The following GBE1 variants were observed in gnomAD, a reference collection of about 807,000 sequenced individuals.
GBE1 encodes 1,4-alpha-glucan branching enzyme 1, also known as 1,4-alpha-glucan-branching enzyme.
GBE1 carries 70 observed loss-of-function variants against 88.8 expected under a neutral mutation model. The observed-to-expected ratio is 0.79, with a 90% CI of 0.65 to 0.96. The LOEUF is 0.96. Ranked by LOEUF, GBE1 falls within the 40% of genes least tolerant of loss-of-function variation. GBE1 has a pLI of 0.00. For synonymous variants in GBE1, 284 were observed against 300.1 expected (o/e 0.95, Z 0.56); for missense variants, 872 against 871.0 (o/e 1.00, Z -0.01).
chr3:81,581,431 C>A (rs915446778), intron 10 of GBE1, among the ~76,000 whole-genome samples, 156 bp from the exon 11 acceptor site: 1 of 151,974 alleles, frequency 6.6e-6, no homozygotes, highest in Non-Finnish European at 1.5e-5. Context: ...TAAACTTTTA[C>A]TGAAATCACA....
rs78190577 is a variant in GBE1 at position 81,562,683 on chromosome 3, T to A, written c.1618+15242A>T. ...TTACAGTAGTAGGGTGCTAAAAGAC[T>A]GTTAAGTTGAGGCAAGTCATCTAAA... On this transcript the variant is annotated intron_variant, in intron 12 of 15. Coordinates refer to ENST00000429644, the MANE Select transcript of GBE1 (RefSeq NM_000158.4). 4.9e-3 allele frequency among the ~76,000 whole-genome samples: 742 copies of A among 152,140 alleles called. 1 individual carries two copies. The highest frequency in any genetic ancestry group is 7.8e-3 in the Non-Finnish European group (527 of 67,984).
chr3:81,730,616 G>A (rs1459918900), intron 1 of GBE1, among the ~76,000 whole-genome samples: 1 of 152,182 alleles, frequency 6.6e-6, no homozygotes, highest in Non-Finnish European at 1.5e-5. Context: ...TTGGGTGGCA[G>A]TTTCACAACA....
At chr3:81,605,700 T>C (rs898692756) in intron 7 of GBE1, among the ~76,000 whole-genome samples, 17 of 152,162 alleles carry the variant, frequency 1.1e-4, no homozygotes, top group Admixed American at 1.0e-3. Context: ...CACTTTTTTG[T>C]ACAGAGCTAG....
At position 81,761,356 on chromosome 3, in the gene GBE1, G is replaced by A. The variant is rs1375811547; in HGVS notation, c.143+19C>T. The A allele has an allele frequency of 1.3e-6, 2 of 1,599,686 alleles. No homozygotes were observed. Among genetic ancestry groups the A allele is most frequent in the Admixed American group, 1.7e-5 (1 of 59,520 alleles). Reference sequence around the variant, plus strand: ...GCGGGCTGCCTGTCTAAGTGGGGGTGGTGGGATTCCGGCGGTACCTGCGCT... The same window carrying A: ...GCGGGCTGCCTGTCTAAGTGGGGGTAGTGGGATTCCGGCGGTACCTGCGCT... On this transcript the variant is annotated intron_variant, in intron 1 of 15. Transcript: ENST00000429644.
At chr3:81,654,845 G>A (rs932733023) in intron 3 of GBE1, 4 of 151,992 alleles carry the variant, frequency 2.6e-5, no homozygotes, top group African/African-American at 9.7e-5. Flanking sequence ...ATATATTCAA[G>A]GTGTAAAACA....
intron 10 of GBE1, among the ~76,000 whole-genome samples, chr3:81,584,160 T>C (rs892052465): frequency 6.6e-6 from 1 of 152,076 alleles, no homozygotes; most frequent in Non-Finnish European, 1.5e-5. Context: ...ATAATTTAGA[T>C]AGTCAAATAT....
chr3:81,609,383 A>C (rs1704142888), intron 7 of GBE1, among the ~76,000 whole-genome samples: 1 of 152,144 alleles, frequency 6.6e-6, no homozygotes, highest in South Asian at 2.1e-4. Context: ...AAGGACTGGA[A>C]CATTGGTCTA....
At chr3:81,698,158 A>G (rs1705630327) in intron 2 of GBE1, among the ~76,000 whole-genome samples, 2 of 151,410 alleles carry the variant, frequency 1.3e-5, no homozygotes, top group African/African-American at 4.8e-5. Flanking sequence ...AGTAAAAATA[A>G]TCCCATTAGG....
In GBE1 at chr3:81,657,944, T is replaced by C. The variant is rs148644621; in HGVS notation, c.430-8023A>G. Among the ~76,000 whole-genome samples the C allele has an allele frequency of 1.2e-4, 18 of 152,208 alleles. No individual in the cohort carries two copies. In the East Asian group the frequency reaches 3.3e-3, roughly 28 times the overall value. On this transcript the variant is annotated intron_variant, in intron 3 of 15. Coordinates refer to ENST00000429644, the MANE Select transcript of GBE1 (RefSeq NM_000158.4). ...AGATTTTGCCCCTGAGCTCTTATAT[T>C]ATGCAAGACTGGACACTACACAGGA...
chr3:81,605,689 A>ACAC (rs1704093094), intron 7 of GBE1, among the ~76,000 whole-genome samples: 1 of 152,168 alleles, frequency 6.6e-6, no homozygotes, highest in East Asian at 1.9e-4. Context: ...AGAGATTGGC[A>ACAC]CACTTTTTTG....
At chr3:81,652,565 G>A (rs1704865514) in intron 3 of GBE1, among the ~76,000 whole-genome samples, 2 of 152,146 alleles carry the variant, frequency 1.3e-5, no homozygotes, top group Admixed American at 6.5e-5. Context: ...GTTAAGGAGA[G>A]CAAAGCTTTC....
At chr3:81,569,231 G>C (rs1703537771) in intron 12 of GBE1, among the ~76,000 whole-genome samples, 1 of 151,166 alleles carries the variant, frequency 6.6e-6, no homozygotes, top group African/African-American at 2.5e-5. Context: ...TAAACAATAG[G>C]GGAATTAAAA....
intron 14 of GBE1, among the ~76,000 whole-genome samples, chr3:81,507,912 T>G (rs1702675719): frequency 6.6e-6 from 1 of 152,162 alleles, no homozygotes; most frequent in Admixed American, 6.5e-5. Flanking sequence ...TTTCTGGTTT[T>G]ACACTACAAA....
intron 14 of GBE1, among the ~76,000 whole-genome samples, chr3:81,500,894 G>T (rs966541223): frequency 6.6e-6 from 1 of 152,124 alleles, no homozygotes; most frequent in African/African-American, 2.4e-5. Context: ...TTGTAAGTGA[G>T]AACATGAGGT....
chr3:81,540,118 C>G (rs9865935), intron 12 of GBE1, among the ~76,000 whole-genome samples: 10,104 of 151,914 alleles, frequency 0.067, 571 homozygotes, highest in African/African-American at 0.15. Flanking sequence ...GGATGGTGGT[C>G]AGTAGCATTA....
intron 7 of GBE1, among the ~76,000 whole-genome samples, chr3:81,596,074 T>C (rs1296040135): frequency 6.6e-6 from 1 of 151,984 alleles, no homozygotes; most frequent in African/African-American, 2.4e-5. Context: ...ATTTCTTTTA[T>C]ATTTTATGAA....
intron 11 of GBE1, among the ~76,000 whole-genome samples, chr3:81,578,510 AATATAT>A (rs1008099989): frequency 1.3e-5 from 2 of 150,698 alleles, no homozygotes; most frequent in African/African-American, 4.9e-5. Context: ...ATTGATATAT[AATATAT>A]ATATATTATT....
chr3:81,556,101 G>A (rs543631143), intron 12 of GBE1, among the ~76,000 whole-genome samples: 12 of 152,110 alleles, frequency 7.9e-5, no homozygotes, highest in African/African-American at 2.4e-4. Context: ...TCTATTTAAC[G>A]TAATTGTACC....
intron 1 of GBE1, among the ~76,000 whole-genome samples, chr3:81,757,893 A>G (rs1706625324): frequency 6.6e-6 from 1 of 152,222 alleles, no homozygotes; most frequent in Non-Finnish European, 1.5e-5. Context: ...GAGAAAATAT[A>G]CAATAGAAAT....
Sources: gnomAD v4.1 joint callset for allele counts (sites outside exome capture counted in the v4.1 genomes callset) on GRCh38, gnomAD v4.1.1 for gene constraint, MANE v1.5 for transcripts, NCBI Gene and HGNC (gene_info 2026-07-23, HGNC 2026-07-21) for gene names.